The following CACNA1I variants were observed in gnomAD, a reference collection of about 807,000 sequenced individuals.
The protein encoded by CACNA1I is calcium voltage-gated channel subunit alpha1 I.
Under a neutral mutation model 201.6 loss-of-function variants are expected in CACNA1I, and 74 were observed. The ratio of observed to expected loss-of-function variants is 0.37; its 90% CI spans 0.30 to 0.45. The LOEUF (loss-of-function observed/expected upper bound fraction) is 0.45. Among genes scored for constraint, CACNA1I ranks in the 20% least tolerant of loss-of-function variants. The pLI is 1.00. For synonymous variants in CACNA1I, 1,431 were observed against 1,345.2 expected (o/e 1.06, Z -1.40); for missense variants, 2,346 against 3,138.1 (o/e 0.75, Z 6.03).
chr22:39,656,978 G>A (rs758252268), intron 10 of CACNA1I, among the ~76,000 whole-genome samples: 45 of 152,206 alleles, frequency 3.0e-4, no homozygotes, highest in Non-Finnish European at 5.9e-4. Context: ...GGAGAGAAGG[G>A]GCTGGGCCTC....
At chr22:39,607,997 G>A (rs948282229) in intron 3 of CACNA1I, among the ~76,000 whole-genome samples, 3 of 151,440 alleles carry the variant, frequency 2.0e-5, no homozygotes, top group African/African-American at 7.3e-5. Flanking sequence ...GCAGACACCT[G>A]TAATCCCAGC....
intron 3 of CACNA1I, among the ~76,000 whole-genome samples, chr22:39,611,341 C>T (rs1457014484): frequency 6.6e-6 from 1 of 152,208 alleles, no homozygotes; most frequent in African/African-American, 2.4e-5. Context: ...TGGATCAGAT[C>T]TGGGATTGCT....
chr22:39,680,892 A>G, intron 33 of CACNA1I, 38 bp from the exon 34 acceptor site: 1 of 1,591,994 alleles, frequency 6.3e-7, no homozygotes, highest in South Asian at 1.1e-5. Flanking sequence ...TGCCCATCCC[A>G]AACCTGGGTG....
intron 4 of CACNA1I, among the ~76,000 whole-genome samples, chr22:39,623,628 G>GAGAGTGTTTGCTGTGA (rs1933815379): frequency 6.8e-6 from 1 of 146,960 alleles, no homozygotes; most frequent in Non-Finnish European, 1.5e-5. Flanking sequence ...GTGTGCCTGT[G>GAGAGTGTTTGCTGTGA]TGTGTGTGTG....
At chr22:39,674,078 T>A in intron 29 of CACNA1I, 45 bp downstream of exon 29, 4 of 1,582,362 alleles carry the variant, frequency 2.5e-6, no homozygotes, top group Non-Finnish European at 3.5e-6. Flanking sequence ...GTCATTGGTG[T>A]CAGGCTGGGC....
chr22:39,677,781 G>A lies in CACNA1I; in HGVS notation c.4934-206G>A, dbSNP rs995961947. On this transcript the variant is annotated intron_variant, in intron 30 of 36. Transcript: ENST00000402142. This position sits in a 1 kb window ranked among gnomAD's most constrained non-coding sequence, Gnocchi z 4.8. ...CTTTCTCAGAAACCCATTCTTCGGCGGGGAGCAGAGCCAGACTCACCCAAA... is the reference window on the plus strand; with the variant it reads ...CTTTCTCAGAAACCCATTCTTCGGCAGGGAGCAGAGCCAGACTCACCCAAA... 3.3e-5 allele frequency among the ~76,000 whole-genome samples: 5 copies of A among 152,208 alleles called. No homozygotes were observed. Among genetic ancestry groups the A allele is most frequent in the African/African-American group, 9.7e-5 (4 of 41,450 alleles).
chr22:39,642,390 G>T (rs768268390), intron 6 of CACNA1I, among the ~76,000 whole-genome samples: 1 of 151,962 alleles, frequency 6.6e-6, no homozygotes, highest in Non-Finnish European at 1.5e-5. Context: ...GCACTCCCAG[G>T]CTCCACCGAG....
At position 39,646,744 on chromosome 22, in the gene CACNA1I, T is replaced by G; in HGVS notation, c.1325T>G (p.Val442Gly). The G allele has an allele frequency of 6.3e-7, 1 of 1,597,262 alleles. No individual in the cohort carries two copies. Among genetic ancestry groups the G allele is most frequent in the South Asian group, 1.1e-5 (1 of 88,392 alleles). The stretch of plus-strand genomic sequence containing the variant: ...TGCTACGAGGAGATCTTCCAGTATG[T>G]CTGCCACATCCTGCGCAAGGCCAAG... ...GDCYEEIFQY[V>G]CHILRKAKRR... Residue 442 changes from valine to glycine, a missense_variant, in exon 8 of 37, where the codon GTC becomes GGC. This residue lies in a region of CACNA1I where 312 missense variants were observed against 331.5 expected (regional missense o/e 0.94). Transcript: ENST00000402142.
intron 4 of CACNA1I, among the ~76,000 whole-genome samples, chr22:39,626,029 G>A (rs945709870): frequency 6.6e-6 from 1 of 152,216 alleles, no homozygotes; most frequent in African/African-American, 2.4e-5. Flanking sequence ...CAGACCCTGG[G>A]GAGCTCAGGG....
chr22:39,645,220 C>T (rs1010834584), intron 7 of CACNA1I, among the ~76,000 whole-genome samples: 1 of 152,232 alleles, frequency 6.6e-6, no homozygotes. Flanking sequence ...CTCCTGACTT[C>T]AAGTGATCCA....
intron 3 of CACNA1I, among the ~76,000 whole-genome samples, chr22:39,608,903 G>A (rs181972970): frequency 6.6e-6 from 1 of 152,122 alleles, no homozygotes; most frequent in Non-Finnish European, 1.5e-5. Flanking sequence ...TCTCCACCCT[G>A]ACTCTTACAG....
chr22:39,610,378 GGGCGTGGACTGGGGAA>G (rs1445595308), intron 3 of CACNA1I, among the ~76,000 whole-genome samples: 1 of 152,176 alleles, frequency 6.6e-6, no homozygotes, highest in Non-Finnish European at 1.5e-5. Context: ...GCCGTTGGGT[GGGCGTGGACTGGGGAA>G]GGTTCCAATA....
Position 39,663,769 on chromosome 22 carries a change from C to T in CACNA1I, c.3525C>T (p.Val1175=), listed in dbSNP as rs757521177. 2.4e-5 allele frequency: 38 copies of T among 1,611,762 alleles called. No individual in the cohort carries two copies. The highest frequency in any genetic ancestry group is 1.3e-4 in the Admixed American group (8 of 59,942). ...TIIAHKLFDY[V]VLAFIFLNCI... ...TTGCCCACAAACTCTTCGACTACGT[C>T]GTCCTGGCCTTCATCTTTCTCAACT... The change falls in exon 19 of 37, where the codon GTC becomes GTT. Residue 1175 remains valine, a synonymous_variant. Coordinates refer to ENST00000402142, the MANE Select transcript of CACNA1I (RefSeq NM_021096.4).
At chr22:39,637,564 A>T (rs1803273937) in intron 5 of CACNA1I, among the ~76,000 whole-genome samples, 1 of 152,176 alleles carries the variant, frequency 6.6e-6, no homozygotes, top group Admixed American at 6.5e-5. Context: ...ATACCCAAAG[A>T]TGTGTACAAG....
chr22:39,680,515 C>T (rs1002806152), intron 33 of CACNA1I, among the ~76,000 whole-genome samples: 3 of 152,338 alleles, frequency 2.0e-5, no homozygotes, highest in African/African-American at 7.2e-5. Flanking sequence ...GCAGATTCTC[C>T]GGTGTCTCTG....
intron 1 of CACNA1I, among the ~76,000 whole-genome samples, chr22:39,584,282 T>C (rs1932672924): frequency 6.6e-6 from 1 of 151,586 alleles, no homozygotes; most frequent in Admixed American, 6.6e-5. Flanking sequence ...TTCCAGAGAG[T>C]TCTAGTCTGG....
chr22:39,587,878 C>G, intron 1 of CACNA1I: 1 of 319,058 alleles, frequency 3.1e-6, no homozygotes, highest in South Asian at 2.7e-5. Flanking sequence ...TGGGTTCAAG[C>G]AGTTCTCCTG....
chr22:39,685,399 C>A lies in CACNA1I; in HGVS notation c.6028-362C>A, dbSNP rs1935829489. 7.2e-6 allele frequency among the ~76,000 whole-genome samples: 1 copy of A among 139,078 alleles called. No homozygotes were observed. Among genetic ancestry groups the A allele is most frequent in the Non-Finnish European group, 1.5e-5 (1 of 66,176 alleles). The allele number at this position is 139,078 out of a possible 152,430, so 91.2% of individuals were successfully genotyped here. On this transcript the variant is annotated intron_variant, in intron 36 of 36. Transcript: ENST00000402142. This position sits in a 1 kb window ranked among gnomAD's most constrained non-coding sequence, Gnocchi z 5.0. ...TGGGAGGGACCGGAACCAGTGGGAGCAGCCAAGGCTGGGGCCGCGTCAGAC... is the reference window on the plus strand; with the variant it reads ...TGGGAGGGACCGGAACCAGTGGGAGAAGCCAAGGCTGGGGCCGCGTCAGAC...
At chr22:39,626,844 T>C (rs1327150907) in intron 4 of CACNA1I, among the ~76,000 whole-genome samples, 3 of 152,154 alleles carry the variant, frequency 2.0e-5, no homozygotes, top group Non-Finnish European at 4.4e-5. Context: ...ATCCGCCTGA[T>C]AAGTGGCTAA....
Sources: gnomAD v4.1 joint callset for allele counts (sites outside exome capture counted in the v4.1 genomes callset) on GRCh38, gnomAD v4.1.1 for gene constraint, gnomAD v4.1.1 regional missense constraint, Gnocchi (gnomAD v3.1) non-coding constraint, MANE v1.5 for transcripts, NCBI Gene and HGNC (gene_info 2026-07-23, HGNC 2026-07-21) for gene names.